ANXA4: variants seen among roughly 807,000 people sequenced by gnomAD.
The protein encoded by ANXA4 is 35-beta calcimedin.
ANXA4 carries 39 observed loss-of-function variants against 49.8 expected under a neutral mutation model. The ratio of observed to expected loss-of-function variants is 0.78; its 90% confidence interval spans 0.61 to 1.02. The LOEUF (loss-of-function observed/expected upper bound fraction) is 1.02. ANXA4 is among the 50% of genes least tolerant of loss of function. The pLI, the probability that ANXA4 is intolerant of heterozygous loss-of-function variation, is 0.00. For missense variants in ANXA4, 360 were observed against 410.1 expected, an observed-to-expected ratio of 0.88 and a Z score of 1.05; for synonymous variants, 134 against 152.5, an observed-to-expected ratio of 0.88 and a Z score of 0.89.
At chr2:69,765,365 T>G (rs574565527) in intron 1 of ANXA4, among the ~76,000 whole-genome samples, 87 of 152,338 alleles carry the variant, frequency 5.7e-4, no homozygotes, top group African/African-American at 2.0e-3. Context: ...GGGTTCAAGT[T>G]TCTCCATATC....
chr2:69,690,008 C>T (rs1677907711), intron 2 of ANXA4, among the ~76,000 whole-genome samples: 1 of 151,998 alleles, frequency 6.6e-6, no homozygotes, highest in Admixed American at 6.6e-5. Flanking sequence ...ATTTTTTCTA[C>T]CTTGTTTTGT....
chr2:69,656,589 A>G (rs1309911581), intron 2 of ANXA4, among the ~76,000 whole-genome samples: 15 of 115,480 alleles, frequency 1.3e-4, no homozygotes, highest in Non-Finnish European at 1.7e-5. Flanking sequence ...GTCTTGCTCT[A>G]TCCCCCAGGA....
At chr2:69,744,262 A>G (rs1191136662) in intron 1 of ANXA4, among the ~76,000 whole-genome samples, 1 of 152,144 alleles carries the variant, frequency 6.6e-6, no homozygotes, top group African/African-American at 2.4e-5. Context: ...AGTTATGATC[A>G]CACCATTGCA....
At chr2:69,806,826 C>A (rs1673460906) in intron 5 of ANXA4, among the ~76,000 whole-genome samples, 1 of 152,066 alleles carries the variant, frequency 6.6e-6, no homozygotes, top group African/African-American at 2.4e-5. Flanking sequence ...GAACAACACA[C>A]ACTGGGGCCT....
chr2:69,673,724 A>C (rs1051008792), intron 2 of ANXA4, among the ~76,000 whole-genome samples: 1 of 151,682 alleles, frequency 6.6e-6, no homozygotes, highest in African/African-American at 2.4e-5. Flanking sequence ...ACACACACAC[A>C]CACAAAGTGA....
At chr2:69,812,580 G>C (rs752457855) in intron 7 of ANXA4, 73 bp from the exon 8 acceptor site, 9 of 1,310,816 alleles carry the variant, frequency 6.9e-6, no homozygotes, top group Middle Eastern at 3.8e-4. Context: ...CTCTAGACCT[G>C]CTATCTTAAT....
At chr2:69,763,171 G>A (rs1035411253) in intron 1 of ANXA4, among the ~76,000 whole-genome samples, 1 of 152,162 alleles carries the variant, frequency 6.6e-6, no homozygotes, top group Non-Finnish European at 1.5e-5. Context: ...ATTTTGGAAA[G>A]ATGTGGGGAC....
At chr2:69,813,226 C>T (rs1301880636) in intron 8 of ANXA4, among the ~76,000 whole-genome samples, 1 of 151,812 alleles carries the variant, frequency 6.6e-6, no homozygotes, top group Non-Finnish European at 1.5e-5. Context: ...GGGTCATTAC[C>T]AGGTACCAAA....
intron 1 of ANXA4, among the ~76,000 whole-genome samples, chr2:69,751,494 T>G: frequency 3.4e-5 from 4 of 116,350 alleles, no homozygotes; most frequent in Non-Finnish European, 4.9e-5. Context: ...GATGACAGAG[T>G]GAGACCCTGT....
chr2:69,778,425 C>CA (rs1435910615), intron 1 of ANXA4, among the ~76,000 whole-genome samples: 1 of 152,182 alleles, frequency 6.6e-6, no homozygotes, highest in Non-Finnish European at 1.5e-5. Context: ...ATACTGTCAC[C>CA]AAGTCAACTG....
intron 2 of ANXA4, among the ~76,000 whole-genome samples, chr2:69,684,685 C>CAA (rs199639261): frequency 4.5e-4 from 36 of 80,070 alleles, no homozygotes; most frequent in African/African-American, 1.7e-3. Context: ...AAGACTGTCT[C>CAA]AAAAAAAAAA....
intron 1 of ANXA4, among the ~76,000 whole-genome samples, chr2:69,645,310 CG>C (rs1675965621): frequency 1.3e-5 from 2 of 152,198 alleles, no homozygotes; most frequent in African/African-American, 4.8e-5. Flanking sequence ...CCTCAGTTCA[CG>C]AATTCATGTA....
chr2:69,739,676 G>A (rs534368673), upstream of ANXA4, among the ~76,000 whole-genome samples: 3 of 151,986 alleles, frequency 2.0e-5, no homozygotes, highest in South Asian at 2.1e-4. Context: ...CTCCCACCGC[G>A]GCCTTCCAAC....
chr2:69,806,873 G>C (rs1454289399), intron 5 of ANXA4, among the ~76,000 whole-genome samples: 2 of 152,066 alleles, frequency 1.3e-5, no homozygotes, highest in African/African-American at 2.4e-5. Context: ...GAGAGGATCA[G>C]GAAAAATAAC....
intron 10 of ANXA4, among the ~76,000 whole-genome samples, 186 bp downstream of exon 10, chr2:69,818,880 G>T (rs1041513146): frequency 6.6e-6 from 1 of 152,132 alleles, no homozygotes; most frequent in Admixed American, 6.5e-5. Flanking sequence ...GTGCCATGTG[G>T]TTTATATATT....
rs575704179 is a variant in ANXA4, at chr2:69,706,025, ATATC to A, written n.767-14747_767-14744del. 2.7e-3 allele frequency among the ~76,000 whole-genome samples: 403 copies of A among 152,070 alleles called. 1 individual carries two copies. The highest frequency in any genetic ancestry group is 9.2e-3 in the African/African-American group (382 of 41,532). ...TAAAATTTTTTATTAAAAAATATATATATCTGTGTAGTGTGAGAACAAAAAAAGA... is the reference window on the plus strand; with the variant it reads ...TAAAATTTTTTATTAAAAAATATATATGTGTAGTGTGAGAACAAAAAAAGA... On this transcript the variant is annotated intron_variant and non_coding_transcript_variant, in intron 2 of 3. Transcript: ENST00000418066.
At chr2:69,735,236 C>T (rs1670212916) in intron 3 of ANXA4, among the ~76,000 whole-genome samples, 1 of 152,158 alleles carries the variant, frequency 6.6e-6, no homozygotes, top group African/African-American at 2.4e-5. Context: ...GAAGTATATA[C>T]ACAAGTAACA....
At chr2:69,689,836 G>A (rs1408173647) in intron 2 of ANXA4, among the ~76,000 whole-genome samples, 2 of 152,038 alleles carry the variant, frequency 1.3e-5, no homozygotes, top group Non-Finnish European at 2.9e-5. Flanking sequence ...CATATTCAGA[G>A]GAGTGTGACT....
In ANXA4 at chr2:69,717,056, G is replaced by A. The variant is rs992241668; in HGVS notation, n.767-3718G>A. ...AAACAAGGGAAGTGCAGGGGAGACC[G>A]TAAAGCAGCATCGTGTAGCAGAGGG... is the stretch of plus-strand genomic sequence containing the variant. On this transcript the variant is annotated intron_variant and non_coding_transcript_variant, in intron 2 of 3. Transcript: ENST00000418066. Among the ~76,000 whole-genome samples the A allele has an allele frequency of 1.1e-4, 16 of 152,266 alleles. No individual in the cohort carries two copies. The South Asian group carries it at 1.7e-3, about 16-fold the overall frequency.
Sources: allele counts gnomAD v4.1 joint callset (sites outside exome capture counted in the v4.1 genomes callset), GRCh38; gene constraint gnomAD v4.1.1; transcripts MANE v1.5; gene names NCBI Gene and HGNC (gene_info 2026-07-23, HGNC 2026-07-21).